PITPNM2: variants seen among roughly 807,000 people sequenced by gnomAD.
PITPNM2 encodes the protein phosphatidylinositol transfer protein membrane associated 2.
Under a neutral mutation model 132.2 loss-of-function variants are expected in PITPNM2, and 35 were observed. That is an observed-to-expected ratio of 0.26 (90% CI 0.20 to 0.35). PITPNM2 has a LOEUF of 0.35. PITPNM2 is among the 10% of genes least tolerant of loss of function. The pLI, the probability that PITPNM2 is intolerant of heterozygous loss-of-function variation, is 1.00. For synonymous variants in PITPNM2, 738 were observed against 799.2 expected (o/e 0.92, Z 1.29); for missense variants, 1,332 against 1,912.0 (o/e 0.70, Z 5.66).
In PITPNM2 at chr12:122,995,376, C is replaced by A; in HGVS notation, c.2054+13G>T. On this transcript the variant is annotated intron_variant, in intron 14 of 25. Coordinates refer to ENST00000320201, the MANE Select transcript of PITPNM2 (RefSeq NM_020845.3). ...CACCCAGAGGCAAGCCCCAGCCCCC[C>A]AGCCCTGCCCACCTGGACAGGAAGG... 2 of 1,575,974 alleles carry A rather than the reference C, an allele frequency of 1.3e-6. No homozygotes were observed. The highest frequency in any genetic ancestry group is 1.3e-5 in the African/African-American group (1 of 74,608).
chr12:122,989,966 T>C lies in PITPNM2; in HGVS notation c.2570-18A>G. The C allele has an allele frequency of 7.7e-7, 1 of 1,300,130 alleles. No individual in the cohort carries two copies. The allele number at this position is 1,300,130 out of a possible 1,614,324, so 80.5% of individuals were successfully genotyped here. The stretch of plus-strand genomic sequence containing the variant: ...GGGGGCCTCTGAGAAGCAAGAGCAA[T>C]GGATGGCTCAGCCACGCGGGGATGA... On this transcript the variant is annotated intron_variant, in intron 17 of 25. Coordinates refer to ENST00000320201, the MANE Select transcript of PITPNM2 (RefSeq NM_020845.3).
At chr12:122,991,962 G>T (rs952064196) in intron 16 of PITPNM2, 15 of 1,275,982 alleles carry the variant, frequency 1.2e-5, no homozygotes, top group Non-Finnish European at 1.4e-5. Flanking sequence ...ATCCAGACAC[G>T]CTCTGACACA....
chr12:123,144,030 T>A (rs2043561223), intron 1 of PITPNM2, among the ~76,000 whole-genome samples: 2 of 152,216 alleles, frequency 1.3e-5, no homozygotes, highest in Non-Finnish European at 2.9e-5. Context: ...AAAATTTATC[T>A]GTAACCCCAA....
chr12:123,008,476 C>T lies in PITPNM2; in HGVS notation c.643+1374G>A, dbSNP rs1175231531. 6.6e-6 allele frequency among the ~76,000 whole-genome samples: 1 copy of T among 152,198 alleles called. No homozygotes were observed. Among genetic ancestry groups the T allele is most frequent in the African/African-American group, 2.4e-5 (1 of 41,454 alleles). On this transcript the variant is annotated intron_variant, in intron 6 of 25. Transcript: ENST00000320201. This position sits in a 1 kb window ranked among gnomAD's most constrained non-coding sequence, Gnocchi z 4.1. ...CCCTCCCAGTCCTGCCCACATGCTC[C>T]TCCACTCCTCATATTGCCTGGGAAG...
At chr12:123,076,184 T>C (rs596940) in intron 2 of PITPNM2, 10,411 of 152,280 alleles carry the variant, frequency 0.068, 408 homozygotes, top group East Asian at 0.17. Context: ...ATGCCCGTAA[T>C]GTTGTTAAGA....
chr12:123,046,487 G>C (rs1260171165), intron 2 of PITPNM2, among the ~76,000 whole-genome samples: 1 of 152,104 alleles, frequency 6.6e-6, no homozygotes, highest in Non-Finnish European at 1.5e-5. Flanking sequence ...ACTTTAAAGT[G>C]GTTTTTAGTA....
intron 1 of PITPNM2, among the ~76,000 whole-genome samples, chr12:123,134,285 G>A (rs543324508): frequency 4.0e-5 from 6 of 151,846 alleles, no homozygotes; most frequent in South Asian, 2.1e-4. Flanking sequence ...AGATGGTCGC[G>A]ATCTTCTGAC....
rs2042511900 is a variant in PITPNM2 at position 123,099,828 on chromosome 12, G to A, written c.-96+10557C>T. Among the ~76,000 whole-genome samples the A allele has an allele frequency of 6.6e-6, 1 of 152,070 alleles. No individual in the cohort carries two copies. Among genetic ancestry groups the A allele is most frequent in the Admixed American group, 6.6e-5 (1 of 15,256 alleles). On this transcript the variant is annotated intron_variant, in intron 2 of 25. Coordinates refer to ENST00000320201, the MANE Select transcript of PITPNM2 (RefSeq NM_020845.3). This position sits in a 1 kb window ranked among gnomAD's most constrained non-coding sequence, Gnocchi z 4.2. ...GGAGAGAGATGCACAGATGTGCCAGGCACTGACAGCCTGGGAGGCCTATTC... is the reference window on the plus strand; with the variant it reads ...GGAGAGAGATGCACAGATGTGCCAGACACTGACAGCCTGGGAGGCCTATTC...
chr12:123,068,885 G>A (rs1240827603), intron 2 of PITPNM2, among the ~76,000 whole-genome samples: 1 of 152,294 alleles, frequency 6.6e-6, no homozygotes, highest in African/African-American at 2.4e-5. Flanking sequence ...AGCCAAGATG[G>A]TTAAGTCCAG....
intron 1 of PITPNM2, among the ~76,000 whole-genome samples, chr12:123,112,859 G>A (rs570182495): frequency 2.5e-4 from 38 of 152,102 alleles, no homozygotes; most frequent in Non-Finnish European, 4.7e-4. Flanking sequence ...TATACTGCTT[G>A]AATGATTTGG....
intron 2 of PITPNM2, among the ~76,000 whole-genome samples, chr12:123,046,414 T>A (rs1390746440): frequency 1.3e-5 from 2 of 152,200 alleles, no homozygotes; most frequent in African/African-American, 4.8e-5. Context: ...CCGAGTTAGA[T>A]GTATTGTCCC....
chr12:122,990,492 T>G, intron 17 of PITPNM2, 53 bp downstream of exon 17: 1 of 1,599,282 alleles, frequency 6.3e-7, no homozygotes, highest in South Asian at 1.1e-5. Flanking sequence ...CTGTCCCCTG[T>G]GGGCACAATG....
intron 2 of PITPNM2, among the ~76,000 whole-genome samples, chr12:123,062,110 G>C (rs903319433): frequency 4.6e-5 from 7 of 152,220 alleles, no homozygotes; most frequent in African/African-American, 1.7e-4. Flanking sequence ...GGTGCACCTG[G>C]GACCCTGATG....
At chr12:123,140,788 C>T (rs1050483806) in intron 1 of PITPNM2, among the ~76,000 whole-genome samples, 3 of 152,124 alleles carry the variant, frequency 2.0e-5, no homozygotes, top group African/African-American at 7.2e-5. Flanking sequence ...GACAACTTCA[C>T]AAGTAGGTCC....
rs531074175 is a variant in PITPNM2 at position 123,011,282 on chromosome 12, CA to C, written c.416-1206del. Among the ~76,000 whole-genome samples, 43 of 152,344 alleles carry C rather than the reference CA, an allele frequency of 2.8e-4. 1 individual carries two copies. Among genetic ancestry groups the C allele is most frequent in the Admixed American group, 2.6e-3 (40 of 15,306 alleles). On this transcript the variant is annotated intron_variant, in intron 5 of 25. Coordinates refer to ENST00000320201, the MANE Select transcript of PITPNM2 (RefSeq NM_020845.3). ...CTGCAGACACAGACATCAGCTCCAC[CA>C]AAATCAGCAGGGTCAGGAGCAAGTC...
chr12:123,063,560 C>T (rs1022320029), intron 2 of PITPNM2, among the ~76,000 whole-genome samples: 2 of 152,162 alleles, frequency 1.3e-5, no homozygotes, highest in African/African-American at 4.8e-5. Flanking sequence ...CCCTCTCCCC[C>T]AGGGCTCTCT....
At chr12:123,015,781 T>C (rs1045357244) in intron 3 of PITPNM2, among the ~76,000 whole-genome samples, 8 of 152,056 alleles carry the variant, frequency 5.3e-5, no homozygotes, top group South Asian at 2.1e-4. Flanking sequence ...AAAACCTTAG[T>C]GTATCAAAGA....
chr12:123,063,114 G>A (rs1199952647), intron 2 of PITPNM2, among the ~76,000 whole-genome samples: 1 of 152,274 alleles, frequency 6.6e-6, no homozygotes, highest in African/African-American at 2.4e-5. Context: ...GTTGCCCCAG[G>A]GCCCGCTGAC....
Position 122,987,909 on chromosome 12 carries a change from G to A in PITPNM2, c.2998-8C>T. On this transcript the variant is annotated splice_polypyrimidine_tract_variant and splice_region_variant and intron_variant, in intron 20 of 25. Transcript: ENST00000320201. The stretch of plus-strand genomic sequence containing the variant: ...GTGGTTGGCCGTCACGTTCTGTGGA[G>A]GGAGTGGCAAGCCCAGGTCAGGGGG... 6.2e-7 allele frequency: 1 copy of A among 1,606,300 alleles called. No individual in the cohort carries two copies. The highest frequency in any genetic ancestry group is 1.3e-5 in the African/African-American group (1 of 74,958).
Sources: gnomAD v4.1 joint callset for allele counts (sites outside exome capture counted in the v4.1 genomes callset) on GRCh38, gnomAD v4.1.1 for gene constraint, Gnocchi (gnomAD v3.1) non-coding constraint, MANE v1.5 for transcripts, NCBI Gene and HGNC (gene_info 2026-07-23, HGNC 2026-07-21) for gene names.